The following CAPZB variants were observed in gnomAD, a reference collection of about 807,000 sequenced individuals.
CAPZB encodes F-actin-capping protein subunit beta.
In CAPZB, 2 loss-of-function variants were observed where a neutral mutation model predicts 38.1. That is an observed-to-expected ratio of 0.05 (90% CI 0.02 to 0.17). CAPZB has a LOEUF of 0.17. Among genes scored for constraint, CAPZB ranks in the 10% least tolerant of loss-of-function variants. The pLI, the probability that CAPZB is intolerant of heterozygous loss-of-function variation, is 1.00. For missense variants in CAPZB, 161 were observed against 334.2 expected, an observed-to-expected ratio of 0.48 and a Z score of 4.04; for synonymous variants, 107 against 127.4, an observed-to-expected ratio of 0.84 and a Z score of 1.08.
chr1:19,345,054 C>T, intron 7 of CAPZB, 133 bp downstream of exon 7: 1 of 734,014 alleles, frequency 1.4e-6, no homozygotes, highest in Non-Finnish European at 2.3e-6. Flanking sequence ...AGGGCAAAAT[C>T]CAAGAAGCGC....
chr1:19,415,970 CCCACTCTGGACGATGGGAAT>C (rs1200083544), intron 2 of CAPZB, among the ~76,000 whole-genome samples: 6 of 152,364 alleles, frequency 3.9e-5, no homozygotes, highest in African/African-American at 1.4e-4. Flanking sequence ...GTTTCCCCAA[CCCACTCTGGACGATGGGAAT>C]CCACTCTGGC....
intron 2 of CAPZB, among the ~76,000 whole-genome samples, chr1:19,410,639 C>T (rs1345902997): frequency 2.0e-5 from 3 of 152,214 alleles, no homozygotes; most frequent in Non-Finnish European, 4.4e-5. Context: ...GAGCTCCACA[C>T]CAGCAGTGGC....
intron 4 of CAPZB, among the ~76,000 whole-genome samples, chr1:19,376,282 G>C (rs192288346): frequency 3.3e-5 from 5 of 152,278 alleles, no homozygotes; most frequent in African/African-American, 9.6e-5. Context: ...TCCCCAAGCT[G>C]GGGGAAAATC....
intron 1 of CAPZB, among the ~76,000 whole-genome samples, chr1:19,481,630 G>C (rs1012961936): frequency 5.9e-5 from 9 of 152,234 alleles, no homozygotes; most frequent in Non-Finnish European, 1.3e-4. Flanking sequence ...GGACTTCCAA[G>C]GTACTGTAAG....
intron 4 of CAPZB, among the ~76,000 whole-genome samples, chr1:19,361,589 C>T (rs2094053199): frequency 6.6e-6 from 1 of 152,210 alleles, no homozygotes; most frequent in Non-Finnish European, 1.5e-5. Context: ...CTTTGCTCTG[C>T]GCGTGAAGCA....
chr1:19,444,462 G>A (rs2094489762), intron 1 of CAPZB, among the ~76,000 whole-genome samples: 1 of 152,168 alleles, frequency 6.6e-6, no homozygotes, highest in African/African-American at 2.4e-5. Flanking sequence ...AACCTTTACT[G>A]AAAACTAATG....
Position 19,441,549 on chromosome 1 carries a change from CT to C in CAPZB, c.4-21800del, listed in dbSNP as rs1211114169. 3.9e-5 allele frequency among the ~76,000 whole-genome samples: 6 copies of C among 152,132 alleles called. No homozygotes were observed. The East Asian group carries it at 9.7e-4, about 24-fold the overall frequency. On this transcript the variant is annotated intron_variant, in intron 1 of 8. Transcript: ENST00000264202. ...TATACACAGCAGGGCATGTTCACCCCTTTTTTTGCATAACAACATACACCCA... is the reference window on the plus strand; with the variant it reads ...TATACACAGCAGGGCATGTTCACCCCTTTTTTGCATAACAACATACACCCA...
At chr1:19,478,148 G>A (rs889867701) in intron 1 of CAPZB, among the ~76,000 whole-genome samples, 5 of 152,108 alleles carry the variant, frequency 3.3e-5, no homozygotes, top group African/African-American at 1.2e-4. Context: ...AGAAACCCTG[G>A]GCTGCTGTTT....
In CAPZB at chr1:19,402,916, G is replaced by A. The variant is rs539091688; in HGVS notation, c.93+16745C>T. ...TACAAAAAATTAGCTGGGGGTGGTGGCAGGCACCTGTAATCCCAGCTACTT... is the reference window on the plus strand; with the variant it reads ...TACAAAAAATTAGCTGGGGGTGGTGACAGGCACCTGTAATCCCAGCTACTT... On this transcript the variant is annotated intron_variant, in intron 2 of 8. Coordinates refer to ENST00000264202, the MANE Select transcript of CAPZB (RefSeq NM_004930.5). 3.9e-5 allele frequency among the ~76,000 whole-genome samples: 6 copies of A among 152,214 alleles called. No homozygotes were observed. The South Asian group carries it at 8.3e-4, about 21-fold the overall frequency.
chr1:19,379,141 C>T (rs2094160312), intron 3 of CAPZB, among the ~76,000 whole-genome samples: 1 of 150,868 alleles, frequency 6.6e-6, no homozygotes. Flanking sequence ...CTCTGTCGCC[C>T]AGGCTGGAGT....
At chr1:19,384,871 T>C (rs530937797) in intron 3 of CAPZB, among the ~76,000 whole-genome samples, 1 of 152,300 alleles carries the variant, frequency 6.6e-6, no homozygotes, top group African/African-American at 2.4e-5. Flanking sequence ...GAGTTGACCA[T>C]GGCCTCTTCT....
Position 19,478,880 on chromosome 1 carries a change from G to C in CAPZB, c.3+6556C>G, listed in dbSNP as rs188773423. On this transcript the variant is annotated intron_variant, in intron 1 of 8. Transcript: ENST00000264202. ...TGAGGGTGACATGAGAATCTGCCTCGTAGGGCTGGCTGGAATATTAAAAAG... is the reference window on the plus strand; with the variant it reads ...TGAGGGTGACATGAGAATCTGCCTCCTAGGGCTGGCTGGAATATTAAAAAG... Among the ~76,000 whole-genome samples the C allele has an allele frequency of 5.9e-5, 9 of 152,292 alleles. No individual in the cohort carries two copies. In the East Asian group the frequency reaches 1.7e-3, roughly 29 times the overall value.
intron 1 of CAPZB, among the ~76,000 whole-genome samples, chr1:19,442,901 C>T (rs893138946): frequency 3.9e-5 from 6 of 152,104 alleles, no homozygotes; most frequent in African/African-American, 1.2e-4. Context: ...CTCTGTGCGG[C>T]GCAAACAACC....
chr1:19,462,857 T>C (rs1047540572), intron 1 of CAPZB, among the ~76,000 whole-genome samples: 9 of 152,174 alleles, frequency 5.9e-5, no homozygotes, highest in Middle Eastern at 3.2e-3. Context: ...ATACTGAAAT[T>C]TCAGTCCACT....
chr1:19,368,289 T>G (rs1192501299), intron 4 of CAPZB, among the ~76,000 whole-genome samples: 1 of 151,692 alleles, frequency 6.6e-6, no homozygotes, highest in Non-Finnish European at 1.5e-5. Flanking sequence ...CAGAACAGGG[T>G]CAGCCAGTAG....
At chr1:19,440,291 G>A (rs1241533097) in intron 1 of CAPZB, among the ~76,000 whole-genome samples, 1 of 152,174 alleles carries the variant, frequency 6.6e-6, no homozygotes, top group East Asian at 1.9e-4. Context: ...ACCTGTCTCA[G>A]CCTTCCAAAG....
intron 1 of CAPZB, among the ~76,000 whole-genome samples, chr1:19,438,609 G>A (rs1321128361): frequency 6.6e-6 from 1 of 152,228 alleles, no homozygotes; most frequent in African/African-American, 2.4e-5. Flanking sequence ...GCCAAGCTCA[G>A]AAAGGCCACG....
At chr1:19,411,698 C>CT (rs2100443523) in intron 2 of CAPZB, among the ~76,000 whole-genome samples, 1 of 152,326 alleles carries the variant, frequency 6.6e-6, no homozygotes, top group East Asian at 1.9e-4. Flanking sequence ...AACCATTACG[C>CT]TGCATGTAAC....
intron 2 of CAPZB, among the ~76,000 whole-genome samples, chr1:19,390,770 T>C (rs1019260627): frequency 6.6e-6 from 1 of 152,184 alleles, no homozygotes; most frequent in Non-Finnish European, 1.5e-5. Flanking sequence ...TAGGATGCCA[T>C]TGGCAACGGC....
Sources: gnomAD v4.1 joint callset for allele counts (sites outside exome capture counted in the v4.1 genomes callset) on GRCh38, gnomAD v4.1.1 for gene constraint, MANE v1.5 for transcripts, NCBI Gene and HGNC (gene_info 2026-07-23, HGNC 2026-07-21) for gene names.